Variants in SORL1 observed in about 807,000 individuals in gnomAD.
The protein encoded by SORL1 is sortilin related receptor 1.
A neutral mutation model predicts 273.7 loss-of-function variants in SORL1; 127 were observed. The observed-to-expected ratio is 0.46, with a 90% confidence interval of 0.40 to 0.54. The LOEUF is 0.54. Ranked by LOEUF, SORL1 falls within the 20% of genes least tolerant of loss-of-function variation. SORL1 has a pLI of 0.00. For synonymous variants in SORL1, 1,031 were observed against 1,067.4 expected (o/e 0.97, Z 0.66); for missense variants, 2,494 against 2,846.1 (o/e 0.88, Z 2.81).
chr11:121,583,014 C>G (rs1044130418), intron 25 of SORL1, among the ~76,000 whole-genome samples: 3 of 152,184 alleles, frequency 2.0e-5, no homozygotes, highest in African/African-American at 7.2e-5. Context: ...TTCTCAGCAT[C>G]TGGATGAGTA....
At chr11:121,476,715 TCTCCCTCCCTTCTC>T (rs973171052) in intron 2 of SORL1, among the ~76,000 whole-genome samples, 7 of 91,862 alleles carry the variant, frequency 7.6e-5, no homozygotes, top group Non-Finnish European at 1.3e-4. Context: ...TTCCTCCCTC[TCTCCCTCCCTTCTC>T]CTCCCTCCCT....
intron 12 of SORL1, among the ~76,000 whole-genome samples, chr11:121,541,570 A>C (rs1044451174): frequency 9.8e-5 from 15 of 152,320 alleles, no homozygotes; most frequent in African/African-American, 3.6e-4. Flanking sequence ...TGTCACGAAA[A>C]GATTTCTGTC....
chr11:121,607,438 C>T (rs1308302121), intron 37 of SORL1, 148 bp downstream of exon 37: 1 of 497,126 alleles, frequency 2.0e-6, no homozygotes, highest in Non-Finnish European at 3.7e-6. Flanking sequence ...GACGGGGGAG[C>T]TCAGAGTTTC....
In SORL1 at chr11:121,595,832, G is replaced by A. The variant is rs1251362072; in HGVS notation, c.4519+60G>A. 3 of 1,551,384 alleles carry A rather than the reference G, an allele frequency of 1.9e-6. No individual in the cohort carries two copies. The highest frequency in any genetic ancestry group is 2.6e-6 in the Non-Finnish European group (3 of 1,142,176). ...CGTTTCTGCAGAGAGCACAGTTCTG[G>A]TGCTTCTGCTTCATTTCTGGATCAG... On this transcript the variant is annotated intron_variant, in intron 32 of 47. Transcript: ENST00000260197. The surrounding 1 kb of genome is among the most constrained non-coding windows in gnomAD (Gnocchi z 5.1).
At chr11:121,561,856 G>C (rs990899811) in intron 21 of SORL1, among the ~76,000 whole-genome samples, 11 of 152,094 alleles carry the variant, frequency 7.2e-5, no homozygotes, top group African/African-American at 2.4e-4. Context: ...CTTTGGTTGT[G>C]AGCAGGATAC....
chr11:121,513,035 C>A lies in SORL1; in HGVS notation c.972C>A (p.Val324=). 6.2e-7 allele frequency: 1 copy of A among 1,614,118 alleles called. No individual in the cohort carries two copies. Among genetic ancestry groups the A allele is most frequent in the Non-Finnish European group, 8.5e-7 (1 of 1,179,982 alleles). ...HLLGSEQQSS[V]QLWVSFGRKP... ...TGGGCAGTGAACAGCAGTCTTCTGTCCAGCTCTGGGTCTCCTTTGGCCGGA... is the reference window on the plus strand; with the variant it reads ...TGGGCAGTGAACAGCAGTCTTCTGTACAGCTCTGGGTCTCCTTTGGCCGGA... The change falls in exon 7 of 48, where the codon GTC becomes GTA. Residue 324 remains valine (V), a synonymous_variant. Coordinates refer to ENST00000260197, the MANE Select transcript of SORL1 (RefSeq NM_003105.6).
chr11:121,551,717 T>C (rs1442482401), intron 16 of SORL1, among the ~76,000 whole-genome samples: 2 of 152,212 alleles, frequency 1.3e-5, no homozygotes, highest in Non-Finnish European at 2.9e-5. Flanking sequence ...AGGGCAGCCC[T>C]CTCTTTTGCT....
rs140194041 is a variant in SORL1 at position 121,606,871 on chromosome 11, C to T, written c.4975C>T (p.Leu1659=). 68 of 1,614,120 alleles carry T rather than the reference C, an allele frequency of 4.2e-5. No homozygotes were observed. The African/African-American group carries it at 7.2e-4, about 17-fold the overall frequency. Residue 1659 remains leucine, a synonymous_variant, in exon 36 of 48, where the codon CTG becomes TTG. Transcript: ENST00000260197. ...GCCAGATGCCCCTCGAAATCTCCAGCTGTCACTCCCCAGGGAAGCAGAAGG... is the reference window on the plus strand; with the variant it reads ...GCCAGATGCCCCTCGAAATCTCCAGTTGTCACTCCCCAGGGAAGCAGAAGG... ...GLPDAPRNLQ[L]SLPREAEGVI... is the part of the protein sequence containing the mutation.
rs532248213 is a variant in SORL1 at position 121,472,783 on chromosome 11, A to C, written c.402+2660A>C. Among the ~76,000 whole-genome samples the C allele has an allele frequency of 2.0e-5, 3 of 152,290 alleles. No homozygotes were observed. The East Asian group carries it at 5.8e-4, about 29-fold the overall frequency. On this transcript the variant is annotated intron_variant, in intron 2 of 47. Transcript: ENST00000260197. ...TGAGACCAGCCTGACCAACATGGAG[A>C]AACCCCATTTGTACTAAAAATGCAA... is the stretch of plus-strand genomic sequence containing the variant.
chr11:121,565,032 C>T (rs1862735205), intron 21 of SORL1, among the ~76,000 whole-genome samples: 1 of 152,216 alleles, frequency 6.6e-6, no homozygotes, highest in African/African-American at 2.4e-5. Flanking sequence ...TGCATTCCCT[C>T]TTGTAGCCAG....
chr11:121,512,457 C>G (rs1483963120), intron 6 of SORL1, among the ~76,000 whole-genome samples: 1 of 152,196 alleles, frequency 6.6e-6, no homozygotes, highest in Non-Finnish European at 1.5e-5. Flanking sequence ...AGACCTTCCT[C>G]AATGAGATTA....
chr11:121,611,169 A>C lies in SORL1; in HGVS notation c.5322+11A>C. 3 of 1,574,398 alleles carry C rather than the reference A, an allele frequency of 1.9e-6. No individual in the cohort carries two copies. Among genetic ancestry groups the C allele is most frequent in the Non-Finnish European group, 1.7e-6 (2 of 1,143,920 alleles). Reference sequence around the variant, plus strand: ...GAGAGTGATATCAAGGTAATGTGGGAATTTCAAGCCAGCAGCTGGATGGGG... The same window carrying C: ...GAGAGTGATATCAAGGTAATGTGGGCATTTCAAGCCAGCAGCTGGATGGGG... On this transcript the variant is annotated intron_variant, in intron 39 of 47. Transcript: ENST00000260197.
Position 121,608,142 on chromosome 11 carries a change from C to T in SORL1, c.5205C>T (p.Ser1735=), listed in dbSNP as rs201489614. The change falls in exon 38 of 48, where the codon AGC becomes AGT. Residue 1735 remains serine (S), a synonymous_variant. Coordinates refer to ENST00000260197, the MANE Select transcript of SORL1 (RefSeq NM_003105.6). ...CTAGTCGTGGAATAGGAAACTGGAG[C>T]GATTCTAAATCCATTACCACCATAA... ...AVTSRGIGNW[S]DSKSITTIKG... is the part of the protein sequence containing the mutation. The T allele has an allele frequency of 5.6e-6, 9 of 1,613,872 alleles. No homozygotes were observed. Among genetic ancestry groups the T allele is most frequent in the Middle Eastern group, 1.7e-4 (1 of 6,060 alleles).
chr11:121,596,470 C>T lies in SORL1; in HGVS notation c.4519+698C>T, dbSNP rs756426109. On this transcript the variant is annotated intron_variant, in intron 32 of 47. Transcript: ENST00000260197. The surrounding 1 kb of genome is among the most constrained non-coding windows in gnomAD (Gnocchi z 4.3). The stretch of plus-strand genomic sequence containing the variant: ...TCAGTCCCTGGCTGCACGCTAATGC[C>T]GCCGTTGGCTGGTCTGTCCTACTGT... 9.9e-5 allele frequency among the ~76,000 whole-genome samples: 15 copies of T among 152,180 alleles called. No individual in the cohort carries two copies. Among genetic ancestry groups the T allele is most frequent in the East Asian group, 1.9e-4 (1 of 5,196 alleles).
chr11:121,461,476 C>T (rs550076268), intron 1 of SORL1, among the ~76,000 whole-genome samples: 1 of 152,298 alleles, frequency 6.6e-6, no homozygotes, highest in South Asian at 2.1e-4. Flanking sequence ...GAGAAATTGG[C>T]CAAGCCATGG....
Position 121,567,013 on chromosome 11 carries a change from G to A in SORL1, c.3123G>A (p.Arg1041=). ...AGGCCAACAACAGTAGAAGCTGCAG[G>A]TGTCCAGAGGATGTGTCCAGCAGTG... The part of the protein sequence containing the change: ...LPKANNSRSC[R]CPEDVSSSVL... The change falls in exon 22 of 48, where the codon AGG becomes AGA. Residue 1041 remains arginine, a synonymous_variant. Transcript: ENST00000260197. 2.5e-6 allele frequency: 4 copies of A among 1,614,208 alleles called. No individual in the cohort carries two copies. The highest frequency in any genetic ancestry group is 3.4e-6 in the Non-Finnish European group (4 of 1,180,022).
chr11:121,514,032 G>A, intron 7 of SORL1, 120 bp from the exon 8 acceptor site: 2 of 1,119,846 alleles, frequency 1.8e-6, no homozygotes, highest in Non-Finnish European at 1.3e-6. Flanking sequence ...AGCTTCCCGT[G>A]GGCTTTAGGC....
chr11:121,584,035 C>G (rs959983036), intron 26 of SORL1, among the ~76,000 whole-genome samples: 7 of 152,138 alleles, frequency 4.6e-5, no homozygotes, highest in Non-Finnish European at 8.8e-5. Flanking sequence ...GCTACCATAA[C>G]CTAGTTTACA....
In SORL1 at chr11:121,563,742, A is replaced by G. The variant is rs759024727; in HGVS notation, c.3050-3198A>G. Among the ~76,000 whole-genome samples the G allele has an allele frequency of 6.6e-6, 1 of 152,144 alleles. No individual in the cohort carries two copies. Among genetic ancestry groups the G allele is most frequent in the Non-Finnish European group, 1.5e-5 (1 of 68,034 alleles). On this transcript the variant is annotated intron_variant, in intron 21 of 47. Coordinates refer to ENST00000260197, the MANE Select transcript of SORL1 (RefSeq NM_003105.6). This position sits in a 1 kb window ranked among gnomAD's most constrained non-coding sequence, Gnocchi z 4.2. ...TATAACTGGAATTTATTCTTTGTAA[A>G]GTGTGTTTTTTCTTTAAAGAGGTTA...
Sources: gnomAD v4.1 joint callset for allele counts (sites outside exome capture counted in the v4.1 genomes callset) on GRCh38, gnomAD v4.1.1 for gene constraint, Gnocchi (gnomAD v3.1) non-coding constraint, MANE v1.5 for transcripts, NCBI Gene and HGNC (gene_info 2026-07-23, HGNC 2026-07-21) for gene names.